ROBO1: variants seen among roughly 807,000 people sequenced by gnomAD.
ROBO1 encodes roundabout homolog 1.
ROBO1 carries 149 observed loss-of-function variants against 195.9 expected under a neutral mutation model. The observed-to-expected ratio is 0.76, with a 90% CI of 0.67 to 0.87. The LOEUF is 0.87. ROBO1 is among the 40% of genes least tolerant of loss of function. ROBO1 has a pLI of 0.00. For synonymous variants in ROBO1, 816 were observed against 733.2 expected, an observed-to-expected ratio of 1.11 and a Z score of -1.82; for missense variants, 1,933 against 2,068.3, an observed-to-expected ratio of 0.93 and a Z score of 1.27.
At chr3:79,576,749 G>C (rs891607984) in intron 2 of ROBO1, among the ~76,000 whole-genome samples, 2 of 152,144 alleles carry the variant, frequency 1.3e-5, no homozygotes, top group Non-Finnish European at 2.9e-5. Flanking sequence ...ATCTTCAAAA[G>C]AGACAGCTGG....
At chr3:79,043,380 T>TA (rs1281562907) in intron 3 of ROBO1, among the ~76,000 whole-genome samples, 3 of 152,060 alleles carry the variant, frequency 2.0e-5, no homozygotes, top group East Asian at 1.9e-4. Context: ...TATTTTTAAT[T>TA]AAAAAAATTC....
intron 3 of ROBO1, among the ~76,000 whole-genome samples, chr3:79,035,135 T>C (rs2078360695): frequency 6.6e-6 from 1 of 152,076 alleles, no homozygotes; most frequent in African/African-American, 2.4e-5. Flanking sequence ...ATTTAAAATG[T>C]TTTCAGTATG....
At chr3:78,617,552 G>T in intron 27 of ROBO1, 83 bp downstream of exon 27, 2 of 1,378,226 alleles carry the variant, frequency 1.5e-6, no homozygotes, top group Non-Finnish European at 2.0e-6. Context: ...CAAATAGGAC[G>T]TAAGATCATA....
intron 3 of ROBO1, chr3:79,018,822 G>A: frequency 9.8e-7 from 1 of 1,020,180 alleles, no homozygotes; most frequent in Non-Finnish European, 1.2e-6. Context: ...CCCCCACAAT[G>A]TGCGGCCGAG....
chr3:78,723,610 C>A (rs2082094130), intron 5 of ROBO1, among the ~76,000 whole-genome samples: 1 of 152,060 alleles, frequency 6.6e-6, no homozygotes, highest in Admixed American at 6.6e-5. Context: ...CCGGAGATAT[C>A]TGGCAATGTC....
chr3:78,661,041 G>A lies in ROBO1; in HGVS notation c.2309C>T (p.Thr770Ile). Reference sequence around the variant, plus strand: ...TTCATCATACTTGCCTTCTTCCAGGGTTTTGGCAAACTTGATTTCACTATC... The same window carrying A: ...TTCATCATACTTGCCTTCTTCCAGGATTTTGGCAAACTTGATTTCACTATC... ...GADSEIKFAK[T>I]LEEAPSAPPQ... The change falls in exon 16 of 31, where the codon ACC becomes ATC. Residue 770 changes from threonine to isoleucine, a missense_variant. By Grantham distance (89) the Thr-to-Ile change is moderately conservative. Transcript: ENST00000464233. The A allele has an allele frequency of 1.9e-6, 3 of 1,611,204 alleles. No homozygotes were observed. Among genetic ancestry groups the A allele is most frequent in the Non-Finnish European group, 2.5e-6 (3 of 1,178,266 alleles).
At chr3:79,311,513 T>A (rs1576958725) in intron 2 of ROBO1, among the ~76,000 whole-genome samples, 1 of 152,272 alleles carries the variant, frequency 6.6e-6, no homozygotes, top group African/African-American at 2.4e-5. Flanking sequence ...AGCTATTTTC[T>A]CCACTAGTAA....
intron 2 of ROBO1, among the ~76,000 whole-genome samples, chr3:79,487,295 CTG>C (rs1342880966): frequency 7.9e-6 from 1 of 125,994 alleles, no homozygotes; most frequent in Non-Finnish European, 1.7e-5. Flanking sequence ...TTTTCTTTCC[CTG>C]TAAAGCATGT....
Position 79,125,501 on chromosome 3 carries a change from G to A in ROBO1, c.127C>T (p.Pro43Ser). 1 of 1,613,658 alleles carries A rather than the reference G, an allele frequency of 6.2e-7. No homozygotes were observed. Among genetic ancestry groups the A allele is most frequent in the Non-Finnish European group, 8.5e-7 (1 of 1,179,770 alleles). Residue 43 changes from proline (P) to serine (S), a missense_variant, in exon 3 of 31, where the codon CCA becomes TCA. Physicochemically the swap from Pro to Ser is moderately conservative, Grantham distance 74. Coordinates refer to ENST00000464233, the MANE Select transcript of ROBO1 (RefSeq NM_002941.4). ...DVERGNDHGT[P>S]IPTSDNDDNS... ...TCATCGTTATCAGAGGTGGGGATTG[G>A]CGTCCCGTGGTCGTTCCCCCTCTCT...
chr3:79,765,580 AGG>A (rs1704941139), intron 1 of ROBO1, among the ~76,000 whole-genome samples: 1 of 152,220 alleles, frequency 6.6e-6, no homozygotes, highest in African/African-American at 2.4e-5. Flanking sequence ...AATAGCTGCT[AGG>A]AGAATACAAG....
intron 2 of ROBO1, among the ~76,000 whole-genome samples, chr3:79,518,179 T>A (rs1941035004): frequency 6.6e-6 from 1 of 152,208 alleles, no homozygotes; most frequent in South Asian, 2.1e-4. Context: ...TCTACAAAAG[T>A]ATGCTAATTT....
At chr3:79,512,615 T>C (rs1940764560) in intron 2 of ROBO1, among the ~76,000 whole-genome samples, 1 of 152,116 alleles carries the variant, frequency 6.6e-6, no homozygotes, top group South Asian at 2.1e-4. Flanking sequence ...ATTTCCTTTT[T>C]CTAAACAGGA....
At chr3:78,984,158 T>C (rs991963853) in intron 3 of ROBO1, among the ~76,000 whole-genome samples, 3 of 152,164 alleles carry the variant, frequency 2.0e-5, no homozygotes, top group African/African-American at 7.2e-5. Context: ...CTCAATAATC[T>C]AATGAGAGGA....
intron 4 of ROBO1, among the ~76,000 whole-genome samples, chr3:78,934,629 G>A (rs1340461892): frequency 6.6e-6 from 1 of 151,886 alleles, no homozygotes; most frequent in Non-Finnish European, 1.5e-5. Flanking sequence ...CTGTGAAGGA[G>A]TTAGTTCTAA....
intron 4 of ROBO1, among the ~76,000 whole-genome samples, chr3:78,908,539 T>C (rs1038571006): frequency 2.0e-5 from 3 of 152,028 alleles, no homozygotes; most frequent in Admixed American, 2.0e-4. Context: ...ATTACTGTAT[T>C]TGGCACTAAT....
chr3:79,757,000 T>C (rs1481717270), intron 1 of ROBO1, among the ~76,000 whole-genome samples: 1 of 152,214 alleles, frequency 6.6e-6, no homozygotes, highest in Non-Finnish European at 1.5e-5. Context: ...ATTTCATTTC[T>C]TTTTATGGTT....
rs149442908 is a variant in ROBO1 at position 79,288,969 on chromosome 3, A to G, written c.89-163430T>C. Among the ~76,000 whole-genome samples, 635 of 152,270 alleles carry G rather than the reference A, an allele frequency of 4.2e-3. 5 individuals carry two copies. Among genetic ancestry groups the G allele is most frequent in the Admixed American group, 6.3e-3 (97 of 15,286 alleles). ...TATAAAACTTTGACAAGGACATTCA[A>G]TGTTGTTGTAAGGAAGTAACAAACA... On this transcript the variant is annotated intron_variant, in intron 2 of 30. Transcript: ENST00000464233.
rs564178407 is a variant in ROBO1 at position 78,832,499 on chromosome 3, C to T, written c.500-85599G>A. 9.2e-5 allele frequency among the ~76,000 whole-genome samples: 14 copies of T among 152,216 alleles called. No individual in the cohort carries two copies. The South Asian group carries it at 2.7e-3, about 29-fold the overall frequency. On this transcript the variant is annotated intron_variant, in intron 4 of 30. Coordinates refer to ENST00000464233, the MANE Select transcript of ROBO1 (RefSeq NM_002941.4). ...TTGACATCTGCCTCTCACTAACAAA[C>T]AGTGATGCTTGAGGATAACAAACTC...
At chr3:79,231,432 C>T (rs1251421938) in intron 2 of ROBO1, among the ~76,000 whole-genome samples, 1 of 152,058 alleles carries the variant, frequency 6.6e-6, no homozygotes, top group East Asian at 1.9e-4. Flanking sequence ...CAAAAGAAGA[C>T]ATACATGCAG....
Sources: gnomAD v4.1 joint callset for allele counts (sites outside exome capture counted in the v4.1 genomes callset) on GRCh38, gnomAD v4.1.1 for gene constraint, MANE v1.5 for transcripts, NCBI Gene and HGNC (gene_info 2026-07-23, HGNC 2026-07-21) for gene names.